Variants in ZNF385D observed in about 807,000 individuals in gnomAD.
The protein encoded by ZNF385D is zinc finger protein 385D, also known as zinc finger protein 659.
ZNF385D carries 15 observed loss-of-function variants against 35.8 expected under a neutral mutation model. The ratio of observed to expected loss-of-function variants is 0.42; its 90% CI spans 0.28 to 0.64. The LOEUF is 0.64. Ranked by LOEUF, ZNF385D falls within the 30% of genes least tolerant of loss-of-function variation. The probability of loss-of-function intolerance (pLI) is 0.23; values close to 1 mark genes in which losing one functional copy is unlikely to be tolerated. For missense variants in ZNF385D, 474 were observed against 494.6 expected, an observed-to-expected ratio of 0.96 and a Z score of 0.39; for synonymous variants, 212 against 186.8, an observed-to-expected ratio of 1.13 and a Z score of -1.10.
At chr3:21,814,782 A>T (rs1448677948) in intron 3 of ZNF385D, among the ~76,000 whole-genome samples, 2 of 152,186 alleles carry the variant, frequency 1.3e-5, no homozygotes, top group East Asian at 3.9e-4. Flanking sequence ...AATGAGACAG[A>T]AAGTTAACAA....
At chr3:21,959,244 G>A (rs1345538344) in intron 3 of ZNF385D, among the ~76,000 whole-genome samples, 1 of 152,122 alleles carries the variant, frequency 6.6e-6, no homozygotes, top group Non-Finnish European at 1.5e-5. Flanking sequence ...AAAGTGTAGT[G>A]CCTACAACAG....
intron 4 of ZNF385D, among the ~76,000 whole-genome samples, chr3:21,492,669 A>G (rs1705520702): frequency 6.6e-6 from 1 of 151,836 alleles, no homozygotes; most frequent in Non-Finnish European, 1.5e-5. Context: ...CTATAGTCCC[A>G]GCTACTCGGG....
At chr3:21,921,036 A>T (rs566109442) in intron 3 of ZNF385D, among the ~76,000 whole-genome samples, 1 of 150,812 alleles carries the variant, frequency 6.6e-6, no homozygotes, top group East Asian at 2.0e-4. Flanking sequence ...TAACACAGTG[A>T]AACCCCATCT....
At chr3:21,604,562 C>T (rs901219579) in intron 2 of ZNF385D, among the ~76,000 whole-genome samples, 4 of 152,064 alleles carry the variant, frequency 2.6e-5, no homozygotes, top group African/African-American at 9.7e-5. Context: ...TTTTGTGTTC[C>T]AGAGGCCACA....
At chr3:21,698,763 G>C (rs1433089214) in intron 1 of ZNF385D, among the ~76,000 whole-genome samples, 1 of 152,056 alleles carries the variant, frequency 6.6e-6, no homozygotes, top group African/African-American at 2.4e-5. Flanking sequence ...CTGGTCATTA[G>C]AGAAATGTAA....
chr3:21,925,664 G>A (rs889269893), intron 3 of ZNF385D, among the ~76,000 whole-genome samples: 1 of 152,058 alleles, frequency 6.6e-6, no homozygotes, highest in African/African-American at 2.4e-5. Flanking sequence ...TTTCCGAAAG[G>A]CCTGTAAAGA....
At chr3:21,919,659 C>T (rs1479986) in intron 3 of ZNF385D, among the ~76,000 whole-genome samples, 81,264 of 151,906 alleles carry the variant, frequency 0.53, 23,782 homozygotes, top group South Asian at 0.66. Flanking sequence ...TTGTTTAACT[C>T]AGTATTCACT....
At chr3:21,704,601 C>T (rs9859592) in intron 1 of ZNF385D, among the ~76,000 whole-genome samples, 42,300 of 150,808 alleles carry the variant, frequency 0.28, 6,099 homozygotes, top group East Asian at 0.42. Context: ...ATCTGCCTTC[C>T]GGGTTCAAGC....
intron 2 of ZNF385D, among the ~76,000 whole-genome samples, chr3:22,296,947 C>G (rs1483690289): frequency 1.3e-5 from 2 of 152,062 alleles, no homozygotes; most frequent in Admixed American, 1.3e-4. Flanking sequence ...ATGCATAATT[C>G]ATCTACCCTT....
chr3:22,278,236 G>A (rs1412363829), intron 2 of ZNF385D, among the ~76,000 whole-genome samples: 1 of 151,478 alleles, frequency 6.6e-6, no homozygotes, highest in East Asian at 1.9e-4. Context: ...TTAGTACAAA[G>A]TAATTAACTC....
chr3:22,080,926 C>G (rs1286547109), intron 3 of ZNF385D, among the ~76,000 whole-genome samples: 1 of 152,166 alleles, frequency 6.6e-6, no homozygotes, highest in African/African-American at 2.4e-5. Context: ...CTTCCTCAAT[C>G]ATAGACTTCC....
At chr3:22,131,866 G>C (rs1033107458) in intron 3 of ZNF385D, among the ~76,000 whole-genome samples, 1 of 152,150 alleles carries the variant, frequency 6.6e-6, no homozygotes, top group Non-Finnish European at 1.5e-5. Flanking sequence ...GTATAAGTCA[G>C]GGAAACATAA....
chr3:22,187,014 G>T (rs541501513), intron 2 of ZNF385D, among the ~76,000 whole-genome samples: 1 of 152,062 alleles, frequency 6.6e-6, no homozygotes, highest in African/African-American at 2.4e-5. Context: ...CCAGCAAGTC[G>T]CAGAGCTGGG....
chr3:21,615,339 C>T (rs1261417104), intron 2 of ZNF385D, among the ~76,000 whole-genome samples: 1 of 138,266 alleles, frequency 7.2e-6, no homozygotes, highest in African/African-American at 2.5e-5. Flanking sequence ...GAAGCAGATG[C>T]TGGTGCCATG....
At chr3:22,109,330 G>T (rs1276892841) in intron 3 of ZNF385D, among the ~76,000 whole-genome samples, 1 of 152,010 alleles carries the variant, frequency 6.6e-6, no homozygotes, top group African/African-American at 2.4e-5. Context: ...GAACATATAA[G>T]GATACATACA....
intron 3 of ZNF385D, among the ~76,000 whole-genome samples, chr3:21,830,664 A>T (rs1694932496): frequency 6.6e-6 from 1 of 152,084 alleles, no homozygotes; most frequent in African/African-American, 2.4e-5. Flanking sequence ...CAGTATCTTT[A>T]TTAGTAGAGT....
intron 3 of ZNF385D, among the ~76,000 whole-genome samples, chr3:21,980,918 T>C (rs998165418): frequency 1.3e-5 from 2 of 152,192 alleles, no homozygotes; most frequent in Admixed American, 6.6e-5. Context: ...TATGGTTGCA[T>C]AGCATTCCAT....
At chr3:22,085,759 A>G (rs911216047) in intron 3 of ZNF385D, among the ~76,000 whole-genome samples, 25 of 152,152 alleles carry the variant, frequency 1.6e-4, no homozygotes, top group African/African-American at 5.1e-4. Context: ...AAAAAAAGAA[A>G]CTTTCAGGCC....
chr3:21,814,286 A>G (rs2073055874), intron 3 of ZNF385D, among the ~76,000 whole-genome samples: 1 of 152,240 alleles, frequency 6.6e-6, no homozygotes, highest in African/African-American at 2.4e-5. Flanking sequence ...AAGAAACTGC[A>G]TCAACTAACG....
Sources: allele counts gnomAD v4.1 joint callset (sites outside exome capture counted in the v4.1 genomes callset), GRCh38; gene constraint gnomAD v4.1.1; transcripts MANE v1.5; gene names NCBI Gene and HGNC (gene_info 2026-07-23, HGNC 2026-07-21).